Variants in SETD5 observed in about 807,000 individuals in gnomAD.
SETD5 encodes SET domain containing 5.
A neutral mutation model predicts 153.3 loss-of-function variants in SETD5; 44 were observed. The ratio of observed to expected loss-of-function variants is 0.29; its 90% CI spans 0.23 to 0.37. The LOEUF is 0.37. Among genes scored for constraint, SETD5 ranks in the 10% least tolerant of loss-of-function variants. The probability of loss-of-function intolerance (pLI) is 1.00; values close to 1 mark genes in which losing one functional copy is unlikely to be tolerated. For synonymous variants in SETD5, 716 were observed against 645.2 expected (o/e 1.11, Z -1.66); for missense variants, 1,544 against 1,768.0 (o/e 0.87, Z 2.27).
chr3:9,443,144 A>G (rs2041513616), intron 10 of SETD5, 164 bp from the exon 11 acceptor site: 1 of 589,622 alleles, frequency 1.7e-6, no homozygotes, highest in African/African-American at 1.9e-5. Flanking sequence ...GTGCAGTATA[A>G]TAGTTTCAGA....
At chr3:9,457,693 T>C (rs892887981) in intron 17 of SETD5, among the ~76,000 whole-genome samples, 12 of 150,264 alleles carry the variant, frequency 8.0e-5, no homozygotes, top group African/African-American at 2.9e-4. Context: ...TGGAGTAAAC[T>C]GTTACTGAGA....
rs751126273 is a variant in SETD5, at chr3:9,464,589, T to A, written c.2641T>A (p.Cys881Ser). Residue 881 changes from cysteine (C) to serine (S), a missense_variant, in exon 18 of 23, where the codon TGT becomes AGT. Cys to Ser is a moderately radical substitution (Grantham distance 112). This residue lies in a region of SETD5 where 782 missense variants were observed against 787.2 expected (regional missense o/e 0.99). Coordinates refer to ENST00000402198, the MANE Select transcript of SETD5 (RefSeq NM_001080517.3). ...CTCATCTCACCCAGGAGAAGAGGAG[T>A]GTCGAAATGGATACAGCCTCATGTT... is the stretch of plus-strand genomic sequence containing the variant. ...PGSSHPGEEE[C>S]RNGYSLMFSP... The A allele has an allele frequency of 6.2e-7, 1 of 1,613,240 alleles. No individual in the cohort carries two copies. Among genetic ancestry groups the A allele is most frequent in the East Asian group, 2.2e-5 (1 of 44,844 alleles).
intron 8 of SETD5, among the ~76,000 whole-genome samples, chr3:9,441,068 C>T (rs2041218567): frequency 6.6e-6 from 1 of 151,898 alleles, no homozygotes; most frequent in Non-Finnish European, 1.5e-5. Flanking sequence ...AAATTAAAAG[C>T]CGTTGTGATG....
chr3:9,400,860 C>T (rs2034657060), intron 1 of SETD5, among the ~76,000 whole-genome samples: 1 of 152,164 alleles, frequency 6.6e-6, no homozygotes, highest in South Asian at 2.1e-4. Context: ...TTAGGATGAT[C>T]TCTGATTAAG....
In SETD5 at chr3:9,473,512, C is replaced by A; in HGVS notation, c.3472C>A (p.Pro1158Thr). 1 of 1,613,210 alleles carries A rather than the reference C, an allele frequency of 6.2e-7. No individual in the cohort carries two copies. Among genetic ancestry groups the A allele is most frequent in the Non-Finnish European group, 8.5e-7 (1 of 1,179,552 alleles). ...AGGCACTTCTTCATCTCACTGCAGA[C>A]CTCAAGAGAATATCAGCAGTAGGTG... is the stretch of plus-strand genomic sequence containing the variant. The part of the protein sequence containing the change: ...SRGTSSSHCR[P>T]QENISSRWMV... Residue 1158 changes from proline to threonine, a missense_variant, in exon 20 of 23, where the codon CCT becomes ACT. Physicochemically the swap from Pro to Thr is conservative, Grantham distance 38. Around this residue, in one of 9 missense-constraint regions of SETD5, gnomAD observed 38 missense variants for 71.4 expected, o/e 0.53. Transcript: ENST00000402198.
rs748290184 is a variant in SETD5 at position 9,475,769 on chromosome 3, C to T, written c.4007C>T (p.Pro1336Leu). 8.1e-6 allele frequency: 13 copies of T among 1,613,972 alleles called. No homozygotes were observed. The highest frequency in any genetic ancestry group is 1.1e-5 in the Non-Finnish European group (13 of 1,179,870). ...GGAAACAGCACTGGCAGCAATCTTCCAAGGAGGAGCTGCCCTTCTAGTGCT... is the reference window on the plus strand; with the variant it reads ...GGAAACAGCACTGGCAGCAATCTTCTAAGGAGGAGCTGCCCTTCTAGTGCT... Reference protein sequence around the residue: ...HSGNSTGSNLPRRSCPSSAAS... With the variant: ...HSGNSTGSNLLRRSCPSSAAS... Residue 1336 changes from proline to leucine, a missense_variant, in exon 23 of 23, where the codon CCA becomes CTA. Coordinates refer to ENST00000402198, the MANE Select transcript of SETD5 (RefSeq NM_001080517.3).
rs114739581 is a variant in SETD5 at position 9,427,620 on chromosome 3, T to C, written c.-116-1203T>C. Among the ~76,000 whole-genome samples, 1,197 of 152,318 alleles carry C rather than the reference T, an allele frequency of 7.9e-3. 19 individuals carry two copies. Among genetic ancestry groups the C allele is most frequent in the African/African-American group, 0.026 (1,088 of 41,556 alleles). ...CGGTATCATGTACTTTTCATTCCTT[T>C]AGTTTTTTTAGTATTAATAATTGTT... is the stretch of plus-strand genomic sequence containing the variant. On this transcript the variant is annotated intron_variant, in intron 2 of 22. Coordinates refer to ENST00000402198, the MANE Select transcript of SETD5 (RefSeq NM_001080517.3).
intron 10 of SETD5, among the ~76,000 whole-genome samples, chr3:9,442,550 A>G (rs1041001126): frequency 9.2e-5 from 14 of 152,212 alleles, no homozygotes; most frequent in African/African-American, 2.2e-4. Flanking sequence ...GTGGAAGTAG[A>G]TGTTGTTAGG....
chr3:9,405,925 T>G (rs973949678), intron 1 of SETD5, among the ~76,000 whole-genome samples: 3 of 152,212 alleles, frequency 2.0e-5, no homozygotes, highest in Admixed American at 2.0e-4. Context: ...CACATACAAT[T>G]TGTACTTTCA....
chr3:9,458,953 A>G (rs565651398), intron 17 of SETD5, among the ~76,000 whole-genome samples: 1 of 152,210 alleles, frequency 6.6e-6, no homozygotes, highest in Non-Finnish European at 1.5e-5. Context: ...TAATCAAAAT[A>G]GGAACCACTG....
At chr3:9,398,182 C>G (rs1224794503) in intron 1 of SETD5, 1 of 150,672 alleles carries the variant, frequency 6.6e-6, no homozygotes, top group Non-Finnish European at 1.5e-5. Context: ...GGAGAGAGAT[C>G]CCCCTCTAAT....
At chr3:9,448,093 T>A in intron 15 of SETD5, 87 bp downstream of exon 15, 1 of 1,340,910 alleles carries the variant, frequency 7.5e-7, no homozygotes, top group Non-Finnish European at 1.0e-6. Context: ...TAGAAGAAAC[T>A]AATCTCAATA....
intron 3 of SETD5, among the ~76,000 whole-genome samples, chr3:9,429,494 T>C (rs2039712904): frequency 6.6e-6 from 1 of 152,108 alleles, no homozygotes; most frequent in African/African-American, 2.4e-5. Flanking sequence ...GAGAACAGCG[T>C]CATCTGTTTT....
At chr3:9,440,169 A>C (rs2041095063) in intron 7 of SETD5, among the ~76,000 whole-genome samples, 1 of 152,198 alleles carries the variant, frequency 6.6e-6, no homozygotes, top group Admixed American at 6.5e-5. Context: ...TAAAATGGTC[A>C]TAAAATCACA....
intron 1 of SETD5, among the ~76,000 whole-genome samples, chr3:9,421,842 G>A (rs549056014): frequency 7.9e-5 from 12 of 151,850 alleles, no homozygotes; most frequent in Middle Eastern, 3.4e-3. Flanking sequence ...GTTCATTTTC[G>A]TTATTTAGTA....
chr3:9,404,968 C>G (rs183972075), intron 1 of SETD5, among the ~76,000 whole-genome samples: 33 of 152,312 alleles, frequency 2.2e-4, no homozygotes, highest in Non-Finnish European at 3.7e-4. Context: ...TATCTCACAA[C>G]GCCTCCTCCC....
Position 9,445,269 on chromosome 3 carries a change from C to T in SETD5, c.1409C>T (p.Pro470Leu). 6.2e-7 allele frequency: 1 copy of T among 1,608,166 alleles called. No homozygotes were observed. ...AATGACCAGCAATCACAAGAAGTTC[C>T]AGAAAAAGTAACTGTATCCAGTGAT... ...ENNDQQSQEV[P>L]EKVTVSSDHE... The change falls in exon 12 of 23, where the codon CCA becomes CTA. Residue 470 changes from proline to leucine, a missense_variant. Pro to Leu is a moderately conservative substitution (Grantham distance 98, BLOSUM62 -3). This residue lies in a region of SETD5 where 782 missense variants were observed against 787.2 expected (regional missense o/e 0.99). Transcript: ENST00000402198.
intron 20 of SETD5, 57 bp from the exon 21 acceptor site, chr3:9,474,392 C>T: frequency 1.3e-6 from 2 of 1,591,244 alleles, no homozygotes; most frequent in Non-Finnish European, 1.7e-6. Flanking sequence ...CTGGTTAGGG[C>T]TTCATTTGTT....
At chr3:9,474,617 G>C (rs1370459539) in intron 21 of SETD5, 35 bp downstream of exon 21, 17 of 1,610,868 alleles carry the variant, frequency 1.1e-5, no homozygotes, top group Non-Finnish European at 1.4e-5. Flanking sequence ...ACCACATTCA[G>C]GGACACATGA....
Sources: allele counts gnomAD v4.1 joint callset (sites outside exome capture counted in the v4.1 genomes callset), GRCh38; gene constraint gnomAD v4.1.1; regional missense constraint gnomAD v4.1.1; transcripts MANE v1.5; gene names NCBI Gene and HGNC (gene_info 2026-07-23, HGNC 2026-07-21).